Variants in ARL5A observed in about 807,000 individuals in gnomAD.
ARL5A encodes the protein ARF like GTPase 5A, also known as ADP-ribosylation factor-like protein 5A.
Under a neutral mutation model 25.9 loss-of-function variants are expected in ARL5A, and 18 were observed. The ratio of observed to expected loss-of-function variants is 0.69; its 90% CI spans 0.48 to 1.03. The LOEUF (loss-of-function observed/expected upper bound fraction) is 1.03, where lower values mean the gene tolerates loss of function less well. Ranked by LOEUF, ARL5A falls within the 50% of genes least tolerant of loss-of-function variation. The pLI, the probability that ARL5A is intolerant of heterozygous loss-of-function variation, is 0.00. For missense variants in ARL5A, 170 were observed against 211.9 expected (o/e 0.80, Z 1.23); for synonymous variants, 61 against 67.5 (o/e 0.90, Z 0.47).
chr2:151,822,982 CATA>C (rs1037378407), intron 1 of ARL5A, among the ~76,000 whole-genome samples: 31 of 152,160 alleles, frequency 2.0e-4, no homozygotes, highest in Admixed American at 2.0e-3. Flanking sequence ...ATAAATTAAG[CATA>C]ATAATAATTG....
chr2:151,818,104 T>C (rs1048124230), intron 1 of ARL5A, among the ~76,000 whole-genome samples: 1 of 152,050 alleles, frequency 6.6e-6, no homozygotes, highest in African/African-American at 2.4e-5. Flanking sequence ...AAGACATAAA[T>C]AAGAACAGCA....
chr2:151,803,281 T>C lies in ARL5A; in HGVS notation c.535A>G (p.Arg179Gly). ...LEWMMSRLKIR is the reference protein window; with the variant it reads ...LEWMMSRLKIG Reference sequence around the variant, plus strand: ...TGAGAAGAGGTCAGTAGAGATCATCTAATCTTAAGTCGTGACATCATCCAT... The same window carrying C: ...TGAGAAGAGGTCAGTAGAGATCATCCAATCTTAAGTCGTGACATCATCCAT... Residue 179 changes from arginine (R) to glycine (G), a missense_variant, in exon 6 of 6, where the codon AGA (arginine) becomes GGA (glycine). Coordinates refer to ENST00000295087, the MANE Select transcript of ARL5A (RefSeq NM_012097.4). The C allele has an allele frequency of 6.2e-7, 1 of 1,612,052 alleles. No individual in the cohort carries two copies. The highest frequency in any genetic ancestry group is 8.5e-7 in the Non-Finnish European group (1 of 1,178,222).
At chr2:151,807,041 T>A in intron 4 of ARL5A, 69 bp from the exon 5 acceptor site, 1 of 1,398,940 alleles carries the variant, frequency 7.1e-7, no homozygotes, top group Non-Finnish European at 9.7e-7. Context: ...ATTAACAGAA[T>A]CTTTTTCACA....
chr2:151,799,542 C>T lies in ARL5A; in HGVS notation c.*3734G>A, dbSNP rs867687874. 1 of 152,160 alleles carries T rather than the reference C, an allele frequency of 6.6e-6. No individual in the cohort carries two copies. The highest frequency in any genetic ancestry group is 2.4e-5 in the African/African-American group (1 of 41,434). The allele number at this position is 152,160 out of a possible 1,614,324, so 9.4% of individuals were successfully genotyped here. On this transcript the variant is annotated 3_prime_UTR_variant, in exon 6 of 6. Coordinates refer to ENST00000295087, the MANE Select transcript of ARL5A (RefSeq NM_012097.4). ...CTGCCCATGCCTAACTAGTAGCTCA[C>T]GGAAGTGGTAGAGTCTGGGTATTTC...
At chr2:151,823,120 C>T (rs1369649135) in intron 1 of ARL5A, among the ~76,000 whole-genome samples, 3 of 152,148 alleles carry the variant, frequency 2.0e-5, no homozygotes, top group Non-Finnish European at 4.4e-5. Flanking sequence ...TATCACTAAG[C>T]CCTATTAATT....
rs1578369233 is a variant in ARL5A, at chr2:151,802,553, T to C, written c.*723A>G. Reference sequence around the variant, plus strand: ...GAATTACATGTTTCCATGTGTGTGATTTTGGTCAACAACAAAAAATCGATA... The same window carrying C: ...GAATTACATGTTTCCATGTGTGTGACTTTGGTCAACAACAAAAAATCGATA... On this transcript the variant is annotated 3_prime_UTR_variant, in exon 6 of 6. Coordinates refer to ENST00000295087, the MANE Select transcript of ARL5A (RefSeq NM_012097.4). 6.6e-6 allele frequency: 1 copy of C among 152,158 alleles called. No homozygotes were observed. Among genetic ancestry groups the C allele is most frequent in the Non-Finnish European group, 1.5e-5 (1 of 67,962 alleles). 9.4% of individuals were successfully genotyped at this position (152,158 alleles called of 1,614,324 possible). A position where few individuals can be genotyped will look rare whatever the true frequency, so the allele number is the denominator to read the frequency against.
rs1559825630 is a variant in ARL5A, at chr2:151,828,264, G to C, written c.-88C>G. ...TGAGGGGGAGGAGAGAGACGCGCTG[G>C]AGCCTCCGCCTCTGCTGCTGCTCCC... On this transcript the variant is annotated 5_prime_UTR_variant, in exon 1 of 6. Transcript: ENST00000295087. 2.4e-6 allele frequency: 3 copies of C among 1,226,230 alleles called. No homozygotes were observed. In the East Asian group the frequency reaches 8.1e-5, roughly 33 times the overall value. 76.0% of individuals were successfully genotyped at this position (1,226,230 alleles called of 1,614,324 possible).
intron 1 of ARL5A, 188 bp downstream of exon 1, chr2:151,827,943 C>G (rs1448588021): frequency 1.6e-6 from 1 of 606,638 alleles, no homozygotes; most frequent in Non-Finnish European, 2.9e-6. Context: ...GGCTGCGAGT[C>G]AGGAACCATC....
intron 3 of ARL5A, among the ~76,000 whole-genome samples, chr2:151,813,027 T>C (rs888419809): frequency 6.6e-6 from 1 of 152,146 alleles, no homozygotes; most frequent in African/African-American, 2.4e-5. Flanking sequence ...GAAAGACTTG[T>C]GATTGTTGTG....
intron 5 of ARL5A, among the ~76,000 whole-genome samples, chr2:151,804,338 C>A (rs1278500574): frequency 6.6e-6 from 1 of 152,086 alleles, no homozygotes. Context: ...AATGGTTGTA[C>A]ACATTAAGTT....
At chr2:151,814,129 A>C (rs2099831191) in intron 3 of ARL5A, 40 bp downstream of exon 3, 1 of 1,503,838 alleles carries the variant, frequency 6.6e-7, no homozygotes, top group South Asian at 1.3e-5. Flanking sequence ...TTTTCCAAGC[A>C]TTCTGTTTAT....
chr2:151,812,256 TAA>T, intron 4 of ARL5A, 99 bp downstream of exon 4: 1 of 730,642 alleles, frequency 1.4e-6, no homozygotes, highest in Non-Finnish European at 2.1e-6. Context: ...TAATTATTTT[TAA>T]AAATTTGAAA....
At chr2:151,811,489 TCA>T (rs962075798) in intron 4 of ARL5A, among the ~76,000 whole-genome samples, 9 of 152,118 alleles carry the variant, frequency 5.9e-5, no homozygotes, top group Admixed American at 4.6e-4. Context: ...ACTATATTAT[TCA>T]GTTTTTTAAA....
Position 151,805,052 on chromosome 2 carries a change from CTT to C in ARL5A, c.492-1730_492-1729del, listed in dbSNP as rs562658722. On this transcript the variant is annotated intron_variant, in intron 5 of 5. Transcript: ENST00000295087. ...AATTATCAAAGTATATAAATTAAAT[CTT>C]ATGTCAATCCTAGATGACGTGTCTT... 2.4e-4 allele frequency among the ~76,000 whole-genome samples: 37 copies of C among 152,136 alleles called. No individual in the cohort carries two copies. The South Asian group carries it at 7.1e-3, about 29-fold the overall frequency.
chr2:151,802,897 T>C lies in ARL5A; in HGVS notation c.*379A>G, dbSNP rs1346050642. ...GAAACATTCGAATATCTGTGCTGATTTGTATTCTGACTTAATGGAACAAGA... is the reference window on the plus strand; with the variant it reads ...GAAACATTCGAATATCTGTGCTGATCTGTATTCTGACTTAATGGAACAAGA... On this transcript the variant is annotated 3_prime_UTR_variant, in exon 6 of 6. Transcript: ENST00000295087. 7 of 169,632 alleles carry C rather than the reference T, an allele frequency of 4.1e-5. No individual in the cohort carries two copies. The highest frequency in any genetic ancestry group is 3.1e-4 in the Admixed American group (5 of 16,346). The allele number at this position is 169,632 out of a possible 1,614,324, so 10.5% of individuals were successfully genotyped here. A position where few individuals can be genotyped will look rare whatever the true frequency, so the allele number is the denominator to read the frequency against.
intron 4 of ARL5A, among the ~76,000 whole-genome samples, chr2:151,809,205 T>C (rs1347360407): frequency 1.3e-5 from 2 of 152,206 alleles, no homozygotes; most frequent in South Asian, 2.1e-4. Flanking sequence ...AGTTTGCTAA[T>C]GTTGACATGT....
At chr2:151,825,227 T>A (rs570056839) in intron 1 of ARL5A, among the ~76,000 whole-genome samples, 1 of 152,190 alleles carries the variant, frequency 6.6e-6, no homozygotes, top group South Asian at 2.1e-4. Flanking sequence ...AAAAAAAAGT[T>A]ACTAATGGCA....
rs976610843 is a variant in ARL5A at position 151,824,543 on chromosome 2, G to C, written c.46+3588C>G. Among the ~76,000 whole-genome samples the C allele has an allele frequency of 2.0e-5, 3 of 152,050 alleles. No individual in the cohort carries two copies. The East Asian group carries it at 5.8e-4, about 29-fold the overall frequency. ...GCCAGAAACAGAGGTGGCTTCCTCA[G>C]CATCAGGTTCCTGAAGCACAGGCAG... On this transcript the variant is annotated intron_variant, in intron 1 of 5. Coordinates refer to ENST00000295087, the MANE Select transcript of ARL5A (RefSeq NM_012097.4).
intron 1 of ARL5A, among the ~76,000 whole-genome samples, chr2:151,825,461 T>C (rs1030915195): frequency 2.0e-5 from 3 of 152,160 alleles, no homozygotes; most frequent in South Asian, 2.1e-4. Context: ...CTTCAAAAGA[T>C]TGTTAAAACA....
Sources: allele counts gnomAD v4.1 joint callset (sites outside exome capture counted in the v4.1 genomes callset), GRCh38; gene constraint gnomAD v4.1.1; transcripts MANE v1.5; gene names NCBI Gene and HGNC (gene_info 2026-07-23, HGNC 2026-07-21).